Variants in MAP2K4 observed in about 807,000 individuals in gnomAD.
The protein encoded by MAP2K4 is mitogen-activated protein kinase kinase 4.
In MAP2K4, 4 loss-of-function variants were observed where a neutral mutation model predicts 48.5. The observed-to-expected ratio is 0.08, with a 90% confidence interval of 0.04 to 0.19. MAP2K4 has a LOEUF of 0.19. Among genes scored for constraint, MAP2K4 ranks in the 10% least tolerant of loss-of-function variants. The pLI is 1.00. For missense variants in MAP2K4, 258 were observed against 493.3 expected (o/e 0.52, Z 4.52); for synonymous variants, 166 against 173.1 (o/e 0.96, Z 0.32).
intron 4 of MAP2K4, among the ~76,000 whole-genome samples, chr17:12,101,436 T>G (rs1971932210): frequency 6.6e-6 from 1 of 152,138 alleles, no homozygotes; most frequent in Non-Finnish European, 1.5e-5. Flanking sequence ...TTTGAGAGTG[T>G]TGGTCCTTAA....
chr17:12,069,979 T>C, intron 2 of MAP2K4: 2 of 143,346 alleles, frequency 1.4e-5, no homozygotes, highest in Non-Finnish European at 2.7e-5. Flanking sequence ...GTAAAACAGC[T>C]TGGGGCGTTT....
chr17:12,071,225 G>C (rs1191042429), intron 2 of MAP2K4, among the ~76,000 whole-genome samples: 3 of 152,166 alleles, frequency 2.0e-5, no homozygotes, highest in African/African-American at 7.2e-5. Flanking sequence ...ATTCTGGATG[G>C]ACCTATCTTT....
At chr17:12,108,913 A>G (rs1972215393) in intron 5 of MAP2K4, among the ~76,000 whole-genome samples, 1 of 152,070 alleles carries the variant, frequency 6.6e-6, no homozygotes, top group East Asian at 1.9e-4. Flanking sequence ...AAATTTTACA[A>G]TGATTAGTTT....
chr17:12,042,174 A>AAG (rs1234946822), intron 1 of MAP2K4, among the ~76,000 whole-genome samples: 1 of 150,780 alleles, frequency 6.6e-6, no homozygotes, highest in Non-Finnish European at 1.5e-5. Context: ...TCTCAAAAAA[A>AAG]AAAAAAAAAA....
chr17:12,074,490 A>G (rs1239508459), intron 2 of MAP2K4, among the ~76,000 whole-genome samples: 2 of 152,166 alleles, frequency 1.3e-5, no homozygotes, highest in African/African-American at 4.8e-5. Context: ...AATCCTTCTA[A>G]CTACTTTATT....
intron 1 of MAP2K4, among the ~76,000 whole-genome samples, chr17:12,030,667 T>TA (rs1277489150): frequency 6.6e-6 from 1 of 152,222 alleles, no homozygotes; most frequent in Non-Finnish European, 1.5e-5. Context: ...AACACAACCT[T>TA]ACATATAGAT....
At chr17:12,102,335 A>G (rs72821271) in intron 4 of MAP2K4, among the ~76,000 whole-genome samples, 1 of 152,126 alleles carries the variant, frequency 6.6e-6, no homozygotes, top group Non-Finnish European at 1.5e-5. Context: ...GATATTAAAC[A>G]TAGCTTTTAT....
chr17:12,129,425 G>A (rs1438021602), intron 9 of MAP2K4, 138 bp downstream of exon 9: 14 of 943,428 alleles, frequency 1.5e-5, no homozygotes, highest in Non-Finnish European at 2.1e-5. Flanking sequence ...TGGGACTCTG[G>A]ATCACTGTGG....
rs1973410885 is a variant in MAP2K4, at chr17:12,142,756, C to T, written c.*1496C>T. The T allele has an allele frequency of 8.6e-6, 2 of 232,898 alleles. No individual in the cohort carries two copies. Among genetic ancestry groups the T allele is most frequent in the South Asian group, 1.8e-4 (1 of 5,532 alleles). 14.4% of individuals were successfully genotyped at this position (232,898 alleles called of 1,614,324 possible). A position where few individuals can be genotyped will look rare whatever the true frequency, so the allele number is the denominator to read the frequency against. ...GCCATTTAAGTATCTTGTGCTTCTTCACTTACCCATTAGCCAGGTTCTCAT... is the reference window on the plus strand; with the variant it reads ...GCCATTTAAGTATCTTGTGCTTCTTTACTTACCCATTAGCCAGGTTCTCAT... On this transcript the variant is annotated 3_prime_UTR_variant, in exon 11 of 11. Coordinates refer to ENST00000353533, the MANE Select transcript of MAP2K4 (RefSeq NM_003010.4).
chr17:12,036,536 A>G (rs1471487342), intron 1 of MAP2K4: 1 of 152,130 alleles, frequency 6.6e-6, no homozygotes, highest in Non-Finnish European at 1.5e-5. Context: ...CAAGCTGCCC[A>G]ACTACCAAAA....
chr17:12,041,511 C>T (rs1969781112), intron 1 of MAP2K4, among the ~76,000 whole-genome samples: 1 of 152,182 alleles, frequency 6.6e-6, no homozygotes, highest in Non-Finnish European at 1.5e-5. Flanking sequence ...GTTAAAAATG[C>T]CACATATCGT....
At chr17:12,110,033 C>T (rs962200165) in intron 5 of MAP2K4, among the ~76,000 whole-genome samples, 5 of 147,814 alleles carry the variant, frequency 3.4e-5, no homozygotes, top group African/African-American at 1.3e-4. Context: ...GTGGTGGGAG[C>T]GAGACCCAGT....
intron 1 of MAP2K4, among the ~76,000 whole-genome samples, chr17:12,036,890 T>C (rs1319011045): frequency 1.5e-5 from 2 of 129,786 alleles, no homozygotes; most frequent in East Asian, 3.0e-4. Context: ...ATCACTATCC[T>C]CCCCCCCGCC....
At chr17:12,039,007 A>G (rs1969692780) in intron 1 of MAP2K4, among the ~76,000 whole-genome samples, 1 of 152,186 alleles carries the variant, frequency 6.6e-6, no homozygotes, top group African/African-American at 2.4e-5. Context: ...TGTAAGGCTT[A>G]TCAAGGTTAT....
At chr17:12,119,930 A>G (rs1206977017) in intron 7 of MAP2K4, among the ~76,000 whole-genome samples, 1 of 152,214 alleles carries the variant, frequency 6.6e-6, no homozygotes, top group Non-Finnish European at 1.5e-5. Context: ...CAAATACCAC[A>G]TGTTCTCTTA....
chr17:12,056,832 A>T (rs758464549), intron 2 of MAP2K4, among the ~76,000 whole-genome samples: 2 of 152,120 alleles, frequency 1.3e-5, no homozygotes, highest in Non-Finnish European at 2.9e-5. Context: ...TCTGTTTAGG[A>T]TGAGTACTTG....
Position 12,131,001 on chromosome 17 carries a change from A to C in MAP2K4, c.1040+1714A>C, listed in dbSNP as rs540136257. 1.8e-4 allele frequency among the ~76,000 whole-genome samples: 28 copies of C among 152,254 alleles called. No individual in the cohort carries two copies. The South Asian group carries it at 5.6e-3, about 30-fold the overall frequency. ...AAGGAGGCAAAAATTGATTTTGGAG[A>C]AATGAAAATCTTAGGTTGTATAATG... is the stretch of plus-strand genomic sequence containing the variant. On this transcript the variant is annotated intron_variant, in intron 9 of 10. Coordinates refer to ENST00000353533, the MANE Select transcript of MAP2K4 (RefSeq NM_003010.4).
At chr17:12,097,760 A>C (rs12162146) in intron 4 of MAP2K4, among the ~76,000 whole-genome samples, 25,645 of 152,258 alleles carry the variant, frequency 0.17, 2,538 homozygotes, top group South Asian at 0.3. Context: ...CACAGCCAAC[A>C]AGTAGCAGAG....
chr17:12,077,991 A>G (rs1971069106), intron 2 of MAP2K4, among the ~76,000 whole-genome samples: 1 of 152,120 alleles, frequency 6.6e-6, no homozygotes, highest in Non-Finnish European at 1.5e-5. Flanking sequence ...TTAGGGCCCC[A>G]CCCTTCATTA....
Sources: gnomAD v4.1 joint callset for allele counts (sites outside exome capture counted in the v4.1 genomes callset) on GRCh38, gnomAD v4.1.1 for gene constraint, MANE v1.5 for transcripts, NCBI Gene and HGNC (gene_info 2026-07-23, HGNC 2026-07-21) for gene names.